The following PDZD2 variants were observed in gnomAD, a reference collection of about 807,000 sequenced individuals.
PDZD2 encodes PDZ domain-containing protein 2.
PDZD2 carries 90 observed loss-of-function variants against 220.7 expected under a neutral mutation model. That is an observed-to-expected ratio of 0.41 (90% CI 0.34 to 0.49). The LOEUF is 0.49. PDZD2 is among the 20% of genes least tolerant of loss of function. The pLI is 0.28. For missense variants in PDZD2, 3,174 were observed against 3,608.5 expected, an observed-to-expected ratio of 0.88 and a Z score of 3.08; for synonymous variants, 1,375 against 1,450.5, an observed-to-expected ratio of 0.95 and a Z score of 1.18.
chr5:31,935,458 A>G (rs1394200317), intron 2 of PDZD2, among the ~76,000 whole-genome samples: 1 of 152,230 alleles, frequency 6.6e-6, no homozygotes, highest in Non-Finnish European at 1.5e-5. Context: ...TTTTTCAGCA[A>G]CTCAAGGGCT....
intron 20 of PDZD2, among the ~76,000 whole-genome samples, chr5:32,092,515 T>C (rs1388699604): frequency 1.3e-5 from 2 of 152,174 alleles, no homozygotes; most frequent in South Asian, 2.1e-4. Context: ...GAGGTTGCAG[T>C]GAGCTGAGAT....
At chr5:31,898,685 C>T (rs957290351) in intron 2 of PDZD2, among the ~76,000 whole-genome samples, 6 of 152,158 alleles carry the variant, frequency 3.9e-5, no homozygotes. Context: ...CTGAGCCAAC[C>T]CTTTTCCAGC....
At position 31,695,359 on chromosome 5, in the gene PDZD2, A is replaced by T. The variant is rs148563444; in HGVS notation, c.-361+55922A>T. Reference sequence around the variant, plus strand: ...GATATTTTGATGCCACATTTCAAAAAATAAAAATTAATGCCAGAAAATCTA... The same window carrying T: ...GATATTTTGATGCCACATTTCAAAATATAAAAATTAATGCCAGAAAATCTA... On this transcript the variant is annotated intron_variant, in intron 1 of 24. Transcript: ENST00000438447. 2.3e-3 allele frequency among the ~76,000 whole-genome samples: 347 copies of T among 152,338 alleles called. 1 individual carries two copies. Among genetic ancestry groups the T allele is most frequent in the African/African-American group, 7.9e-3 (327 of 41,582 alleles).
chr5:32,042,843 G>T (rs1294592143), intron 7 of PDZD2, among the ~76,000 whole-genome samples: 1 of 152,180 alleles, frequency 6.6e-6, no homozygotes, highest in Non-Finnish European at 1.5e-5. Flanking sequence ...CCTTCCTGTT[G>T]TCCATCTTGG....
Position 31,799,265 on chromosome 5 carries a change from A to G in PDZD2, c.17A>G (p.Asp6Gly). 1 of 1,604,842 alleles carries G rather than the reference A, an allele frequency of 6.2e-7. No homozygotes were observed. Among genetic ancestry groups the G allele is most frequent in the Non-Finnish European group, 8.5e-7 (1 of 1,175,010 alleles). Residue 6 changes from aspartate to glycine, a missense_variant, in exon 2 of 25, where the codon GAC becomes GGC. Physicochemically the swap from Asp to Gly is moderately conservative, Grantham distance 94. This residue lies in a region of PDZD2 where 632 missense variants were observed against 708.1 expected (regional missense o/e 0.89). Coordinates refer to ENST00000438447, the MANE Select transcript of PDZD2 (RefSeq NM_178140.4). ...GTGAGCACCATGCCCATCACCCAGG[A>G]CAATGCCGTGCTGCACCTGCCCCTC... MPITQ[D>G]NAVLHLPLLY...
At chr5:32,032,122 C>G (rs1374931841) in intron 6 of PDZD2, among the ~76,000 whole-genome samples, 1 of 152,212 alleles carries the variant, frequency 6.6e-6, no homozygotes, top group Non-Finnish European at 1.5e-5. Flanking sequence ...TTCATTTCTT[C>G]TCTTCTTCAT....
At chr5:31,999,922 C>T (rs949804778) in intron 4 of PDZD2, among the ~76,000 whole-genome samples, 1 of 152,172 alleles carries the variant, frequency 6.6e-6, no homozygotes, top group African/African-American at 2.4e-5. Flanking sequence ...GTGCATATTG[C>T]TGAGCCACTG....
chr5:31,693,450 C>T (rs1747230680), intron 1 of PDZD2, among the ~76,000 whole-genome samples: 2 of 152,062 alleles, frequency 1.3e-5, no homozygotes, highest in Non-Finnish European at 2.9e-5. Context: ...TCATATTGGC[C>T]AGGCTGGTCC....
At chr5:31,838,051 T>C (rs570840043) in intron 2 of PDZD2, among the ~76,000 whole-genome samples, 3 of 152,172 alleles carry the variant, frequency 2.0e-5, no homozygotes, top group African/African-American at 7.2e-5. Flanking sequence ...AAAATAAAAT[T>C]ATATTAAAAA....
chr5:31,767,215 A>T (rs865778979), intron 1 of PDZD2, among the ~76,000 whole-genome samples: 2 of 151,584 alleles, frequency 1.3e-5, no homozygotes, highest in Non-Finnish European at 2.9e-5. Flanking sequence ...TATTTTTCGT[A>T]GAGACGGGGT....
chr5:31,903,715 T>TTTTTTG (rs1182940685), intron 2 of PDZD2, among the ~76,000 whole-genome samples: 4 of 150,582 alleles, frequency 2.7e-5, no homozygotes, highest in Non-Finnish European at 5.9e-5. Flanking sequence ...GTGAAAAACA[T>TTTTTTG]TTTTTGTTTT....
chr5:31,744,331 C>T (rs184483371), intron 1 of PDZD2: 20 of 152,038 alleles, frequency 1.3e-4, no homozygotes, highest in African/African-American at 4.3e-4. Flanking sequence ...CTTTGCCTTG[C>T]GTATATTTAC....
rs577368144 is a variant in PDZD2, at chr5:32,057,912, G to A, written c.2009G>A (p.Arg670His). 9.3e-6 allele frequency: 15 copies of A among 1,613,100 alleles called. No homozygotes were observed. The highest frequency in any genetic ancestry group is 6.7e-5 in the Admixed American group (4 of 59,942). Residue 670 changes from arginine (R) to histidine (H), a missense_variant, in exon 12 of 25, where the codon CGC becomes CAC. Transcript: ENST00000438447. ...IRSGLFVLTV[R>H]TKLVSPSLTP... ...AGTGGATTATTTGTTTTAACGGTAC[G>A]CACAAAGTTGGTGAGCCCCAGCCTC...
intron 2 of PDZD2, among the ~76,000 whole-genome samples, chr5:31,887,858 T>C (rs1740656209): frequency 1.3e-5 from 2 of 148,418 alleles, no homozygotes. Flanking sequence ...AAAGGAAAAA[T>C]AAAATGGATT....
Position 32,048,610 on chromosome 5 carries a change from C to T in PDZD2, c.1591C>T (p.Arg531Trp), listed in dbSNP as rs768753631. 37 of 1,613,934 alleles carry T rather than the reference C, an allele frequency of 2.3e-5. No individual in the cohort carries two copies. Among genetic ancestry groups the T allele is most frequent in the East Asian group, 1.1e-4 (5 of 44,890 alleles). ...GGTGCGGAATGGGGACCCCCGGATC[C>T]GGATGTTGGAGGTCTCCCGAGATGG... ...LMVRNGDPRIRMLEVSRDGRK... is the reference protein window; with the variant it reads ...LMVRNGDPRIWMLEVSRDGRK... The change falls in exon 8 of 25, where the codon CGG becomes TGG. Residue 531 changes from arginine to tryptophan, a missense_variant. Around this residue, in one of 4 missense-constraint regions of PDZD2, gnomAD observed 632 missense variants for 708.1 expected, o/e 0.89. Transcript: ENST00000438447.
At position 31,715,016 on chromosome 5, in the gene PDZD2, G is replaced by A. The variant is rs150588939; in HGVS notation, c.-361+75579G>A. 2.2e-3 allele frequency among the ~76,000 whole-genome samples: 320 copies of A among 148,258 alleles called. 2 individuals are homozygous for A. Among genetic ancestry groups the A allele is most frequent in the African/African-American group, 7.3e-3 (294 of 40,022 alleles). On this transcript the variant is annotated intron_variant, in intron 1 of 24. Coordinates refer to ENST00000438447, the MANE Select transcript of PDZD2 (RefSeq NM_178140.4). The stretch of plus-strand genomic sequence containing the variant: ...GGAGCTTACAGTGAGCCGAGATCTC[G>A]CCACTGCACTCCAGCCTAGGCAACA...
chr5:31,861,136 T>C (rs1737671985), intron 2 of PDZD2, among the ~76,000 whole-genome samples: 2 of 152,186 alleles, frequency 1.3e-5, no homozygotes, highest in African/African-American at 4.8e-5. Context: ...CCTGTGTTGC[T>C]GTGTAAACTG....
chr5:31,981,244 G>GT (rs1219015493), intron 2 of PDZD2, among the ~76,000 whole-genome samples: 2 of 152,126 alleles, frequency 1.3e-5, no homozygotes, highest in African/African-American at 2.4e-5. Flanking sequence ...TGAGTCATGA[G>GT]TACCCCCCAC....
At chr5:31,726,008 C>T in intron 1 of PDZD2, 1 of 436,882 alleles carries the variant, frequency 2.3e-6, no homozygotes, top group South Asian at 3.1e-5. Flanking sequence ...CCTGCAGATG[C>T]ATAATGGAGT....
Sources: allele counts gnomAD v4.1 joint callset (sites outside exome capture counted in the v4.1 genomes callset), GRCh38; gene constraint gnomAD v4.1.1; regional missense constraint gnomAD v4.1.1; transcripts MANE v1.5; gene names NCBI Gene and HGNC (gene_info 2026-07-23, HGNC 2026-07-21).